KMO: variants seen among roughly 807,000 people sequenced by gnomAD.
KMO encodes the protein kynurenine 3-monooxygenase.
In KMO, 24 loss-of-function variants were observed where a neutral mutation model predicts 57.8. The observed-to-expected ratio is 0.42, with a 90% CI of 0.30 to 0.58. KMO has a LOEUF of 0.58. Among genes scored for constraint, KMO ranks in the 20% least tolerant of loss-of-function variants. KMO has a pLI of 0.22. For missense variants in KMO, 483 were observed against 588.2 expected (o/e 0.82, Z 1.85); for synonymous variants, 210 against 193.6 (o/e 1.08, Z -0.70).
In KMO at chr1:241,594,413, T is replaced by C; in HGVS notation, c.*2260T>C. The C allele has an allele frequency of 6.2e-7, 1 of 1,606,498 alleles. No individual in the cohort carries two copies. The highest frequency in any genetic ancestry group is 1.1e-5 in the South Asian group (1 of 90,430). On this transcript the variant is annotated 3_prime_UTR_variant, in exon 15 of 15. Transcript: ENST00000366559. Reference sequence around the variant, plus strand: ...TCCAATTTAAGGCCCCATCTTTCGTTGCCATTCTTCATTCCTACAAAGGAC... The same window carrying C: ...TCCAATTTAAGGCCCCATCTTTCGTCGCCATTCTTCATTCCTACAAAGGAC...
At chr1:241,587,544 G>A (rs922157660) in intron 11 of KMO, among the ~76,000 whole-genome samples, 3 of 151,786 alleles carry the variant, frequency 2.0e-5, no homozygotes, top group Non-Finnish European at 4.4e-5. Context: ...TGCAACCTCC[G>A]CCTCCTCTCC....
chr1:241,566,670 A>T (rs1212056474), intron 9 of KMO, 58 bp downstream of exon 9: 2 of 1,581,200 alleles, frequency 1.3e-6, no homozygotes, highest in African/African-American at 2.7e-5. Context: ...AATTCAAATA[A>T]AGGTTATGCA....
chr1:241,584,555 C>T (rs767431476), intron 10 of KMO, among the ~76,000 whole-genome samples: 1 of 152,130 alleles, frequency 6.6e-6, no homozygotes, highest in Non-Finnish European at 1.5e-5. Flanking sequence ...CTACTGCCTT[C>T]ATGGAAATGT....
At chr1:241,553,336 C>T (rs1057036552) in intron 4 of KMO, among the ~76,000 whole-genome samples, 4 of 152,194 alleles carry the variant, frequency 2.6e-5, no homozygotes, top group Non-Finnish European at 4.4e-5. Context: ...GATGACAAGT[C>T]TATCAGTTCC....
At chr1:241,571,864 C>CTTTTTTTTTTT (rs34450394) in intron 10 of KMO, among the ~76,000 whole-genome samples, 2 of 96,490 alleles carry the variant, frequency 2.1e-5, no homozygotes, top group Non-Finnish European at 4.0e-5. Context: ...ATATTAGTTC[C>CTTTTTTTTTTT]TTTTTTTTTT....
At chr1:241,548,088 A>AACACACACACACACACACACACACACAC (rs60952289) in intron 1 of KMO, among the ~76,000 whole-genome samples, 3 of 148,848 alleles carry the variant, frequency 2.0e-5, no homozygotes, top group South Asian at 4.3e-4. Flanking sequence ...AAACAAACAA[A>AACACACACACACACACACACACACACAC]ACACACACAC....
intron 2 of KMO, 118 bp downstream of exon 2, chr1:241,549,016 T>C (rs1397832599): frequency 7.7e-6 from 5 of 650,384 alleles, no homozygotes; most frequent in South Asian, 1.6e-5. Flanking sequence ...CTGGGCAACA[T>C]GGCAAAACCC....
intron 10 of KMO, among the ~76,000 whole-genome samples, chr1:241,583,001 G>T (rs74150324): frequency 1.3e-5 from 2 of 152,166 alleles, no homozygotes; most frequent in African/African-American, 4.8e-5. Context: ...ACTAGGAGGT[G>T]CCCTAAGCCC....
chr1:241,586,722 T>C lies in KMO; in HGVS notation c.1001T>C (p.Phe334Ser). ...GTATTTGATGAGTTAATGGATAAATTCAGTAACGACCTTAGTAAGTAAGGT... is the reference window on the plus strand; with the variant it reads ...GTATTTGATGAGTTAATGGATAAATCCAGTAACGACCTTAGTAAGTAAGGT... ...CLVFDELMDK[F>S]SNDLSLCLPV... The change falls in exon 11 of 15, where the codon TTC (phenylalanine) becomes TCC (serine). Residue 334 changes from phenylalanine (F) to serine (S), a missense_variant. Phe to Ser is a radical substitution (Grantham distance 155, BLOSUM62 -2). This residue lies in a region of KMO where 410 missense variants were observed against 492.3 expected (regional missense o/e 0.83). Coordinates refer to ENST00000366559, the MANE Select transcript of KMO (RefSeq NM_003679.5). 1 of 1,605,778 alleles carries C rather than the reference T, an allele frequency of 6.2e-7. No individual in the cohort carries two copies. Among genetic ancestry groups the C allele is most frequent in the South Asian group, 1.1e-5 (1 of 88,698 alleles).
intron 10 of KMO, among the ~76,000 whole-genome samples, chr1:241,582,881 C>T (rs1662806392): frequency 6.6e-6 from 1 of 152,102 alleles, no homozygotes; most frequent in African/African-American, 2.4e-5. Context: ...TCTATTTTGT[C>T]TTCACATTCT....
rs1662094570 is a variant in KMO at position 241,566,744 on chromosome 1, G to A, written c.809+132G>A. 9 of 941,366 alleles carry A rather than the reference G, an allele frequency of 9.6e-6. No homozygotes were observed. The East Asian group carries it at 2.3e-4, about 24-fold the overall frequency. 58.3% of individuals were successfully genotyped at this position (941,366 alleles called of 1,614,324 possible). A position where few individuals can be genotyped will look rare whatever the true frequency, so the allele number is the denominator to read the frequency against. On this transcript the variant is annotated intron_variant, in intron 9 of 14. Transcript: ENST00000366559. Reference sequence around the variant, plus strand: ...GTAACCTGGACAGAAACCTACATTAGAGCAAAAGTCTAAGTGGATATTGTG... The same window carrying A: ...GTAACCTGGACAGAAACCTACATTAAAGCAAAAGTCTAAGTGGATATTGTG...
chr1:241,572,051 GA>G (rs2147970455), intron 10 of KMO, among the ~76,000 whole-genome samples: 1 of 151,966 alleles, frequency 6.6e-6, no homozygotes, highest in South Asian at 2.1e-4. Flanking sequence ...ATTTTTAGTA[GA>G]GATGTGGTTT....
chr1:241,566,437 G>A (rs1662082034), intron 8 of KMO, 54 bp from the exon 9 acceptor site: 1 of 1,575,608 alleles, frequency 6.3e-7, no homozygotes, highest in Non-Finnish European at 8.6e-7. Context: ...GCCACCTAGT[G>A]CCAGCGTCAC....
At chr1:241,573,548 A>G (rs745313346) in intron 10 of KMO, among the ~76,000 whole-genome samples, 30 of 152,036 alleles carry the variant, frequency 2.0e-4, no homozygotes, top group Non-Finnish European at 4.1e-4. Context: ...GCCTCAATTT[A>G]TGTTTTTGTA....
intron 2 of KMO, 31 bp from the exon 3 acceptor site, chr1:241,549,646 C>T (rs756162154): frequency 7.8e-6 from 11 of 1,415,198 alleles, no homozygotes; most frequent in South Asian, 1.2e-5. Flanking sequence ...ATAAAGTGTG[C>T]GTAACATGGA....
intron 6 of KMO, 54 bp downstream of exon 6, chr1:241,560,806 T>G (rs1298869739): frequency 8.9e-7 from 1 of 1,129,794 alleles, no homozygotes; most frequent in Non-Finnish European, 1.4e-6. Context: ...AGTGGAGAAT[T>G]GTATCTGCAA....
In KMO at chr1:241,594,369, T is replaced by C; in HGVS notation, c.*2216T>C. 1 of 1,557,886 alleles carries C rather than the reference T, an allele frequency of 6.4e-7. No homozygotes were observed. Among genetic ancestry groups the C allele is most frequent in the East Asian group, 2.2e-5 (1 of 44,516 alleles). ...CGGGTATTCCAGACACTTCTTATGATGAAAGTCCAAAAGTGGCATCCAATT... is the reference window on the plus strand; with the variant it reads ...CGGGTATTCCAGACACTTCTTATGACGAAAGTCCAAAAGTGGCATCCAATT... On this transcript the variant is annotated 3_prime_UTR_variant, in exon 15 of 15. Transcript: ENST00000366559.
intron 10 of KMO, among the ~76,000 whole-genome samples, chr1:241,584,819 A>G (rs1662903876): frequency 6.6e-6 from 1 of 152,234 alleles, no homozygotes; most frequent in Non-Finnish European, 1.5e-5. Context: ...ACAGTGGATA[A>G]GTGCCCAGGA....
At position 241,550,991 on chromosome 1, in the gene KMO, ATCCACTC is replaced by A; in HGVS notation, c.262_268del (p.His88PhefsTer20). 6.4e-7 allele frequency: 1 copy of A among 1,562,332 alleles called. No homozygotes were observed. Among genetic ancestry groups the A allele is most frequent in the Non-Finnish European group, 8.6e-7 (1 of 1,158,660 alleles). On this transcript the variant is annotated frameshift_variant, in exon 4 of 15. Coordinates refer to ENST00000366559, the MANE Select transcript of KMO (RefSeq NM_003679.5). LOFTEE classifies it high-confidence loss of function. ...AGGTATTCCCATGAGAGCAAGAATGATCCACTCTCTTTCAGGAAAAAAGTCTGCAATT... is the reference window on the plus strand; with the variant it reads ...AGGTATTCCCATGAGAGCAAGAATGATCTTTCAGGAAAAAAGTCTGCAATT...
Sources: allele counts gnomAD v4.1 joint callset (sites outside exome capture counted in the v4.1 genomes callset), GRCh38; gene constraint gnomAD v4.1.1; regional missense constraint gnomAD v4.1.1; transcripts MANE v1.5; gene names NCBI Gene and HGNC (gene_info 2026-07-23, HGNC 2026-07-21).